Variants in MTUS2 observed in about 807,000 individuals in gnomAD.
The protein encoded by MTUS2 is microtubule associated scaffold protein 2.
A neutral mutation model predicts 114.1 loss-of-function variants in MTUS2; 40 were observed. That is an observed-to-expected ratio of 0.35 (90% confidence interval 0.27 to 0.46). MTUS2 has a LOEUF of 0.46. Ranked by LOEUF, MTUS2 falls within the 20% of genes least tolerant of loss-of-function variation. The pLI, the probability that MTUS2 is intolerant of heterozygous loss-of-function variation, is 1.00. For synonymous variants in MTUS2, 688 were observed against 672.0 expected, an observed-to-expected ratio of 1.02 and a Z score of -0.37; for missense variants, 1,679 against 1,705.4, an observed-to-expected ratio of 0.98 and a Z score of 0.27.
rs78727646 is a variant in MTUS2, at chr13:28,823,166, G to A, written c.-316+2555G>A. Among the ~76,000 whole-genome samples the A allele has an allele frequency of 4.4e-3, 670 of 152,362 alleles. 4 individuals are homozygous for A. The highest frequency in any genetic ancestry group is 0.015 in the African/African-American group (639 of 41,592). On this transcript the variant is annotated intron_variant, in intron 1 of 15. Transcript: ENST00000612955. ...AATAAAATGTTAATAGGAACAGATA[G>A]CATCAGCTCCATAGGAGATCCTTCT...
chr13:28,843,056 T>C (rs1008906896), intron 2 of MTUS2, among the ~76,000 whole-genome samples: 1 of 152,196 alleles, frequency 6.6e-6, no homozygotes. Context: ...CTTCAATGTC[T>C]TTTTCATTTC....
intron 11 of MTUS2, among the ~76,000 whole-genome samples, chr13:29,491,177 GGTGT>G (rs1173944019): frequency 4.3e-5 from 6 of 139,334 alleles, no homozygotes; most frequent in East Asian, 2.2e-4. Context: ...TGTGGTGTGT[GGTGT>G]GTGTATGTGG....
chr13:29,029,299 G>T (rs938941990), intron 3 of MTUS2, among the ~76,000 whole-genome samples: 5 of 152,200 alleles, frequency 3.3e-5, no homozygotes, highest in African/African-American at 1.2e-4. Context: ...TTGTTTATAA[G>T]TGGCTTCTTA....
At chr13:28,962,302 C>G (rs544285011) in intron 2 of MTUS2, among the ~76,000 whole-genome samples, 1 of 151,968 alleles carries the variant, frequency 6.6e-6, no homozygotes, top group Non-Finnish European at 1.5e-5. Flanking sequence ...CTCCCCTCTC[C>G]CACACTGTTC....
At chr13:29,160,566 C>T (rs907882760) in intron 5 of MTUS2, among the ~76,000 whole-genome samples, 4 of 152,024 alleles carry the variant, frequency 2.6e-5, no homozygotes, top group East Asian at 1.9e-4. Flanking sequence ...GTCAGGAGAT[C>T]GAGACCATCC....
At chr13:28,940,453 G>C (rs1882166621) in intron 2 of MTUS2, among the ~76,000 whole-genome samples, 1 of 152,194 alleles carries the variant, frequency 6.6e-6, no homozygotes, top group Admixed American at 6.6e-5. Context: ...ACCAGGGTTT[G>C]TGGGGAGAAG....
intron 8 of MTUS2, among the ~76,000 whole-genome samples, chr13:29,434,682 A>G (rs76097763): frequency 0.013 from 2,009 of 152,338 alleles, 50 homozygotes; most frequent in African/African-American, 0.045. Context: ...TAACAAGGAC[A>G]GGCGTTTTCA....
intron 2 of MTUS2, among the ~76,000 whole-genome samples, chr13:28,987,418 G>T (rs150912928): frequency 9.2e-5 from 14 of 152,254 alleles, no homozygotes; most frequent in Non-Finnish European, 1.8e-4. Context: ...GAGAAAGCTG[G>T]ATATCACGGC....
intron 6 of MTUS2, among the ~76,000 whole-genome samples, chr13:29,300,114 A>T (rs1899131447): frequency 6.6e-6 from 1 of 152,198 alleles, no homozygotes; most frequent in Admixed American, 6.5e-5. Flanking sequence ...TATGCCTTTT[A>T]AATGCTTTCA....
intron 8 of MTUS2, among the ~76,000 whole-genome samples, chr13:29,407,621 G>T (rs982727370): frequency 2.0e-5 from 3 of 151,932 alleles, no homozygotes; most frequent in Non-Finnish European, 4.4e-5. Context: ...GGGATAACAG[G>T]CACCCGCCAC....
intron 3 of MTUS2, among the ~76,000 whole-genome samples, chr13:29,028,892 T>C (rs771967791): frequency 1.6e-4 from 24 of 152,178 alleles, no homozygotes; most frequent in Non-Finnish European, 3.2e-4. Flanking sequence ...AACAAAAGTG[T>C]ACCAAGGGTT....
In MTUS2 at chr13:28,890,666, A is replaced by C. The variant is rs188031264; in HGVS notation, c.-243+50816A>C. On this transcript the variant is annotated intron_variant, in intron 2 of 15. Transcript: ENST00000612955. ...ACCATTGAAATAAAAAGTTACTTTC[A>C]TGCTACTTACAATTAGATTTTATTA... is the stretch of plus-strand genomic sequence containing the variant. Among the ~76,000 whole-genome samples the C allele has an allele frequency of 1.5e-3, 230 of 152,354 alleles. 1 individual carries two copies. Among genetic ancestry groups the C allele is most frequent in the African/African-American group, 5.1e-3 (213 of 41,574 alleles).
chr13:29,103,789 G>A (rs996687861), intron 5 of MTUS2, among the ~76,000 whole-genome samples: 2 of 152,156 alleles, frequency 1.3e-5, no homozygotes, highest in African/African-American at 4.8e-5. Flanking sequence ...CTGAAGCATC[G>A]TTATGTGGTG....
chr13:29,082,629 A>C (rs1272663239), intron 4 of MTUS2, among the ~76,000 whole-genome samples: 1 of 152,170 alleles, frequency 6.6e-6, no homozygotes, highest in East Asian at 1.9e-4. Context: ...CCTGTCCTGT[A>C]GCAAAGAGGC....
At chr13:29,411,949 T>C (rs1392238996) in intron 8 of MTUS2, among the ~76,000 whole-genome samples, 4 of 152,364 alleles carry the variant, frequency 2.6e-5, no homozygotes, top group African/African-American at 9.6e-5. Flanking sequence ...ATTGAATTAT[T>C]GTACTGTGTG....
chr13:29,100,059 G>C (rs1890343128), intron 4 of MTUS2, among the ~76,000 whole-genome samples: 2 of 152,226 alleles, frequency 1.3e-5, no homozygotes, highest in Admixed American at 1.3e-4. Flanking sequence ...TCTAACATCA[G>C]TTTGAGCACA....
Position 29,025,641 on chromosome 13 carries a change from G to C in MTUS2, c.943G>C (p.Val315Leu), listed in dbSNP as rs1165619810. The change falls in exon 3 of 16, where the codon GTT becomes CTT. Residue 315 changes from valine to leucine, a missense_variant. Physicochemically the swap from Val to Leu is conservative, Grantham distance 32. This residue lies in a region of MTUS2 where 843 missense variants were observed against 770.8 expected (regional missense o/e 1.09). Transcript: ENST00000612955. ...AGAGGCCAAGCTGGATCTGAAATAT[G>C]TTCCTCCCAGGAGAGTTGAACAGGA... The part of the protein sequence containing the change: ...KGEAKLDLKY[V>L]PPRRVEQEGK... 6.2e-7 allele frequency: 1 copy of C among 1,613,938 alleles called. No homozygotes were observed. Among genetic ancestry groups the C allele is most frequent in the Admixed American group, 1.7e-5 (1 of 60,012 alleles).
intron 4 of MTUS2, among the ~76,000 whole-genome samples, chr13:29,066,824 G>A (rs917401378): frequency 1.3e-5 from 2 of 152,266 alleles, no homozygotes; most frequent in Non-Finnish European, 2.9e-5. Flanking sequence ...GGAGACATGT[G>A]CAGAATGCAC....
At chr13:29,161,118 A>G (rs1893078214) in intron 5 of MTUS2, among the ~76,000 whole-genome samples, 1 of 152,228 alleles carries the variant, frequency 6.6e-6, no homozygotes, top group Non-Finnish European at 1.5e-5. Flanking sequence ...GATGCCTGAA[A>G]CTACATGTAG....
Sources: allele counts gnomAD v4.1 joint callset (sites outside exome capture counted in the v4.1 genomes callset), GRCh38; gene constraint gnomAD v4.1.1; regional missense constraint gnomAD v4.1.1; transcripts MANE v1.5; gene names NCBI Gene and HGNC (gene_info 2026-07-23, HGNC 2026-07-21).